The following SLC22A4 variants were observed in gnomAD, a reference collection of about 807,000 sequenced individuals.
The protein encoded by SLC22A4 is ET transporter.
In SLC22A4, 39 loss-of-function variants were observed where a neutral mutation model predicts 56.6. The observed-to-expected ratio is 0.69, with a 90% CI of 0.53 to 0.90. The LOEUF (loss-of-function observed/expected upper bound fraction) is 0.90. Among genes scored for constraint, SLC22A4 ranks in the 40% least tolerant of loss-of-function variants. The pLI is 0.00. For missense variants in SLC22A4, 594 were observed against 696.5 expected, an observed-to-expected ratio of 0.85 and a Z score of 1.66; for synonymous variants, 241 against 281.4, an observed-to-expected ratio of 0.86 and a Z score of 1.44.
intron 7 of SLC22A4, among the ~76,000 whole-genome samples, chr5:132,335,559 AAAGAC>A (rs1750996279): frequency 1.3e-5 from 2 of 152,244 alleles, no homozygotes; most frequent in African/African-American, 2.4e-5. Flanking sequence ...TTAACAAACA[AAAGAC>A]AAGTGGACAA....
chr5:132,338,578 A>G (rs1751099226), intron 8 of SLC22A4, among the ~76,000 whole-genome samples: 1 of 152,208 alleles, frequency 6.6e-6, no homozygotes, highest in Non-Finnish European at 1.5e-5. Context: ...CAACCGTAAA[A>G]GACAGCTGCC....
chr5:132,312,012 C>T (rs1750193658), intron 1 of SLC22A4, 149 bp from the exon 2 acceptor site: 1 of 743,392 alleles, frequency 1.3e-6, no homozygotes, highest in Non-Finnish European at 2.5e-6. Context: ...CCCAGGGCTG[C>T]AAGGCCTATG....
chr5:132,320,551 T>C (rs918108388), intron 3 of SLC22A4, among the ~76,000 whole-genome samples: 3 of 152,170 alleles, frequency 2.0e-5, no homozygotes, highest in Non-Finnish European at 2.9e-5. Context: ...GTTAGGGCAA[T>C]TGTCTCCAAC....
rs868796743 is a variant in SLC22A4 at position 132,313,901 on chromosome 5, C to T, written c.652+133C>T. On this transcript the variant is annotated intron_variant, in intron 3 of 9. Coordinates refer to ENST00000200652, the MANE Select transcript of SLC22A4 (RefSeq NM_003059.3). ...ATGTGTCTTGGGAGGGAGCCGTAGC[C>T]ACAGCTCTTGGAGCAAGTCAGGGGC... 5.1e-5 allele frequency: 50 copies of T among 987,944 alleles called. No individual in the cohort carries two copies. In the African/African-American group the frequency reaches 6.0e-4, roughly 12 times the overall value. The allele number at this position is 987,944 out of a possible 1,614,324, so 61.2% of individuals were successfully genotyped here.
In SLC22A4 at chr5:132,294,863, C is replaced by A; in HGVS notation, c.247C>A (p.Arg83Ser). 2.5e-6 allele frequency: 4 copies of A among 1,607,986 alleles called. No individual in the cohort carries two copies. Among genetic ancestry groups the A allele is most frequent in the Non-Finnish European group, 3.4e-6 (4 of 1,177,982 alleles). The change falls in exon 1 of 10, where the codon CGC (arginine) becomes AGC (serine). Residue 83 changes from arginine (R) to serine (S), a missense_variant. Transcript: ENST00000200652. The surrounding 1 kb of genome is among the most constrained non-coding windows in gnomAD (Gnocchi z 5.6). ...CCGCGAGGTGCCCCACAGCTGCAGC[C>A]GCTACCGGCTCGCCACCATCGCCAA... ...DGREVPHSCS[R>S]YRLATIANFS...
intron 2 of SLC22A4, among the ~76,000 whole-genome samples, chr5:132,312,640 T>C (rs548070606): frequency 1.3e-5 from 2 of 152,264 alleles, no homozygotes; most frequent in East Asian, 3.9e-4. Context: ...ACAGGATCTG[T>C]CTGCAAACAG....
intron 3 of SLC22A4, among the ~76,000 whole-genome samples, chr5:132,316,247 G>T (rs1750352970): frequency 6.6e-6 from 1 of 152,184 alleles, no homozygotes; most frequent in African/African-American, 2.4e-5. Flanking sequence ...TTTAAAAAAT[G>T]ATCAAGGCTG....
intron 1 of SLC22A4, among the ~76,000 whole-genome samples, chr5:132,303,663 C>T (rs777998800): frequency 1.6e-4 from 25 of 152,118 alleles, no homozygotes; most frequent in Non-Finnish European, 2.6e-4. Flanking sequence ...CTCCACCCAC[C>T]GCCTATTCAT....
chr5:132,340,541 GT>G (rs1561550067), intron 8 of SLC22A4, 23 bp from the exon 9 acceptor site: 2 of 1,613,008 alleles, frequency 1.2e-6, no homozygotes, highest in Non-Finnish European at 1.7e-6. Flanking sequence ...TCTGATTGAT[GT>G]TCTTATGTCC....
Position 132,294,439 on chromosome 5 carries a change from C to A in SLC22A4, c.-178C>A. On this transcript the variant is annotated 5_prime_UTR_variant, in exon 1 of 10. Transcript: ENST00000200652. The surrounding 1 kb of genome is among the most constrained non-coding windows in gnomAD (Gnocchi z 5.6). ...CTCAGCGCGAGCTCCCGGGAACGCT[C>A]CAACGCCTTCAGCCTGTTTCCCAGG... 1 of 798,908 alleles carries A rather than the reference C, an allele frequency of 1.3e-6. No individual in the cohort carries two copies. Among genetic ancestry groups the A allele is most frequent in the Non-Finnish European group, 2.0e-6 (1 of 497,682 alleles). 49.5% of individuals were successfully genotyped at this position (798,908 alleles called of 1,614,324 possible).
At chr5:132,334,606 A>G in intron 6 of SLC22A4, 112 bp from the exon 7 acceptor site, 4 of 795,442 alleles carry the variant, frequency 5.0e-6, no homozygotes, top group South Asian at 1.4e-5. Context: ...TAAGTAGCCA[A>G]TGAGGGTAGT....
Position 132,294,677 on chromosome 5 carries a change from A to G in SLC22A4, c.61A>G (p.Ile21Val). Residue 21 changes from isoleucine to valine, a missense_variant, in exon 1 of 10, where the codon ATC (isoleucine) becomes GTC (valine). Physicochemically the swap from Ile to Val is conservative, Grantham distance 29. Coordinates refer to ENST00000200652, the MANE Select transcript of SLC22A4 (RefSeq NM_003059.3). This position sits in a 1 kb window ranked among gnomAD's most constrained non-coding sequence, Gnocchi z 5.6. The stretch of plus-strand genomic sequence containing the variant: ...CGAGTGGGGGCCCTTCCAGCGCCTC[A>G]TCTTCTTCCTGCTCAGCGCCAGCAT... ...LGEWGPFQRL[I>V]FFLLSASIIP... 1 of 1,614,148 alleles carries G rather than the reference A, an allele frequency of 6.2e-7. No individual in the cohort carries two copies. Among genetic ancestry groups the G allele is most frequent in the South Asian group, 1.1e-5 (1 of 91,086 alleles).
In SLC22A4 at chr5:132,322,360, GTGTGACTCGTCCCCAGACAGGCCCTCTGC is replaced by G; in HGVS notation, c.824+8_824+36del. ...GCTGTGTGTCCCGCTGTGGTGGTGAGTGTGACTCGTCCCCAGACAGGCCCTCTGCTGCGGGTCAGCACACCTGGAACACA... is the reference window on the plus strand; with the variant it reads ...GCTGTGTGTCCCGCTGTGGTGGTGAGTGCGGGTCAGCACACCTGGAACACA... On this transcript the variant is annotated splice_donor_region_variant and intron_variant, in intron 4 of 9. Transcript: ENST00000200652. The G allele has an allele frequency of 1.2e-6, 2 of 1,613,150 alleles. No individual in the cohort carries two copies. The highest frequency in any genetic ancestry group is 2.7e-5 in the African/African-American group (2 of 75,022).
chr5:132,329,473 CTT>C (rs4646198), intron 5 of SLC22A4, among the ~76,000 whole-genome samples: 28 of 145,276 alleles, frequency 1.9e-4, no homozygotes, highest in Non-Finnish European at 2.3e-4. Context: ...ATTGCTCATG[CTT>C]TTTTTTTTTT....
chr5:132,330,907 T>C (rs2126732634), intron 5 of SLC22A4, among the ~76,000 whole-genome samples: 1 of 152,290 alleles, frequency 6.6e-6, no homozygotes, highest in East Asian at 1.9e-4. Context: ...CTAAGCTATA[T>C]ATATATGATC....
intron 4 of SLC22A4, among the ~76,000 whole-genome samples, chr5:132,325,005 G>C (rs764588161): frequency 3.3e-5 from 5 of 152,184 alleles, no homozygotes; most frequent in Non-Finnish European, 7.3e-5. Flanking sequence ...CCTTTAAAAG[G>C]CTTGGCAGTA....
At chr5:132,296,040 A>G (rs1294374128) in intron 1 of SLC22A4, among the ~76,000 whole-genome samples, 1 of 152,250 alleles carries the variant, frequency 6.6e-6, no homozygotes, top group Non-Finnish European at 1.5e-5. Flanking sequence ...TGAGAAGGCT[A>G]ACATTAACCC....
In SLC22A4 at chr5:132,294,558, C is replaced by G. The variant is rs975797404; in HGVS notation, c.-59C>G. On this transcript the variant is annotated 5_prime_UTR_variant, in exon 1 of 10. Transcript: ENST00000200652. This position sits in a 1 kb window ranked among gnomAD's most constrained non-coding sequence, Gnocchi z 5.6. Reference sequence around the variant, plus strand: ...TGGGGAGCGCCCCAGCTACAAGACACTGTCCTGAGAACGCTGTCATCACCC... The same window carrying G: ...TGGGGAGCGCCCCAGCTACAAGACAGTGTCCTGAGAACGCTGTCATCACCC... 1.2e-6 allele frequency: 2 copies of G among 1,611,924 alleles called. No homozygotes were observed. The highest frequency in any genetic ancestry group is 2.7e-5 in the African/African-American group (2 of 74,922).
chr5:132,336,039 A>T, intron 8 of SLC22A4, 39 bp downstream of exon 8: 1 of 1,585,308 alleles, frequency 6.3e-7, no homozygotes, highest in Non-Finnish European at 8.7e-7. Flanking sequence ...CCTTTAAATT[A>T]GTTTTCAATG....
Sources: gnomAD v4.1 joint callset for allele counts (sites outside exome capture counted in the v4.1 genomes callset) on GRCh38, gnomAD v4.1.1 for gene constraint, Gnocchi (gnomAD v3.1) non-coding constraint, MANE v1.5 for transcripts, NCBI Gene and HGNC (gene_info 2026-07-23, HGNC 2026-07-21) for gene names.